Variants in ZNF385D observed in about 807,000 individuals in gnomAD.
ZNF385D encodes the protein zinc finger protein 385D.
Under a neutral mutation model 35.8 loss-of-function variants are expected in ZNF385D, and 15 were observed. The ratio of observed to expected loss-of-function variants is 0.42; its 90% CI spans 0.28 to 0.64. ZNF385D has a LOEUF of 0.64. ZNF385D is among the 30% of genes least tolerant of loss of function. The probability of loss-of-function intolerance (pLI) is 0.23; values close to 1 mark genes in which losing one functional copy is unlikely to be tolerated. For synonymous variants in ZNF385D, 212 were observed against 186.8 expected, an observed-to-expected ratio of 1.13 and a Z score of -1.10; for missense variants, 474 against 494.6, an observed-to-expected ratio of 0.96 and a Z score of 0.39.
intron 2 of ZNF385D, among the ~76,000 whole-genome samples, chr3:22,236,596 C>T (rs143257187): frequency 7.1e-4 from 108 of 152,196 alleles, no homozygotes; most frequent in African/African-American, 2.4e-3. Context: ...TTTTAAAGTG[C>T]CCAATTCAGA....
intron 3 of ZNF385D, among the ~76,000 whole-genome samples, chr3:22,152,493 T>G (rs1705304162): frequency 6.6e-6 from 1 of 152,156 alleles, no homozygotes; most frequent in Admixed American, 6.6e-5. Flanking sequence ...AAGGTCTGTG[T>G]TCCTTCTGAG....
chr3:21,517,364 A>G (rs1188325132), intron 3 of ZNF385D, among the ~76,000 whole-genome samples: 4 of 152,146 alleles, frequency 2.6e-5, no homozygotes, highest in Admixed American at 6.6e-5. Flanking sequence ...GACCAGGGCT[A>G]AGATGCCTGC....
chr3:22,049,608 A>C (rs1260499858), intron 3 of ZNF385D, among the ~76,000 whole-genome samples: 7 of 152,140 alleles, frequency 4.6e-5, no homozygotes, highest in Non-Finnish European at 1.0e-4. Context: ...TCTTAGAGGA[A>C]AAGCTTTCAA....
chr3:22,095,088 C>CTT (rs10663641), intron 3 of ZNF385D, among the ~76,000 whole-genome samples: 26,056 of 121,674 alleles, frequency 0.21, 3,481 homozygotes, highest in Non-Finnish European at 0.25. Context: ...TTCATTCTTT[C>CTT]TTTTTTTTTT....
rs80328662 is a variant in ZNF385D at position 21,581,374 on chromosome 3, C to T, written c.166-16690G>A. 5.8e-3 allele frequency among the ~76,000 whole-genome samples: 877 copies of T among 152,266 alleles called. 7 individuals carry two copies. The highest frequency in any genetic ancestry group is 9.9e-3 in the Non-Finnish European group (671 of 68,020). ...CTAGAGTCGGCAAAGCTAATACAGT[C>T]CTTCAAGGCCTCATAGCACCCTATA... On this transcript the variant is annotated intron_variant, in intron 2 of 7. Transcript: ENST00000281523.
chr3:22,058,472 G>C (rs1379588305), intron 3 of ZNF385D, among the ~76,000 whole-genome samples: 1 of 152,226 alleles, frequency 6.6e-6, no homozygotes, highest in East Asian at 1.9e-4. Context: ...CCTCTTTAGA[G>C]AACTGGATAA....
intron 3 of ZNF385D, among the ~76,000 whole-genome samples, chr3:22,165,757 G>C (rs1194930557): frequency 6.6e-6 from 1 of 152,064 alleles, no homozygotes; most frequent in African/African-American, 2.4e-5. Flanking sequence ...CAGCTTTATT[G>C]AAATTTGAAC....
chr3:22,050,291 G>C (rs1699270680), intron 3 of ZNF385D, among the ~76,000 whole-genome samples: 1 of 151,932 alleles, frequency 6.6e-6, no homozygotes, highest in Admixed American at 6.6e-5. Flanking sequence ...GAGCCCCAGA[G>C]GTTGACGCTC....
At chr3:22,184,568 G>C (rs560564441) in intron 2 of ZNF385D, among the ~76,000 whole-genome samples, 30 of 152,224 alleles carry the variant, frequency 2.0e-4, no homozygotes, top group East Asian at 5.8e-4. Context: ...GCTCATGCCT[G>C]TAATCCCAGC....
intron 3 of ZNF385D, among the ~76,000 whole-genome samples, chr3:21,804,120 G>A (rs2125691592): frequency 6.6e-6 from 1 of 152,282 alleles, no homozygotes; most frequent in Non-Finnish European, 1.5e-5. Flanking sequence ...AAATAAAAGT[G>A]TGTAAATTTC....
chr3:21,902,639 T>C (rs1256422323), intron 3 of ZNF385D, among the ~76,000 whole-genome samples: 2 of 152,180 alleles, frequency 1.3e-5, no homozygotes, highest in Non-Finnish European at 2.9e-5. Context: ...TTGAAAATTA[T>C]TTTTCTTAAG....
chr3:22,187,475 TATACACACACACAG>T (rs1369063535), intron 2 of ZNF385D, among the ~76,000 whole-genome samples: 5 of 152,040 alleles, frequency 3.3e-5, no homozygotes, highest in Admixed American at 2.6e-4. Context: ...CCTCTCACCC[TATACACACACACAG>T]ATACACACAC....
At chr3:22,241,991 C>A (rs971863829) in intron 2 of ZNF385D, among the ~76,000 whole-genome samples, 1 of 149,832 alleles carries the variant, frequency 6.7e-6, no homozygotes, top group Non-Finnish European at 1.5e-5. Context: ...AACCAAAGAC[C>A]GCATATTCTC....
intron 2 of ZNF385D, among the ~76,000 whole-genome samples, chr3:22,275,582 A>C (rs534430829): frequency 1.4e-4 from 22 of 152,276 alleles, no homozygotes; most frequent in African/African-American, 4.3e-4. Flanking sequence ...GTTAAAATCT[A>C]GGTTAATATT....
rs575440727 is a variant in ZNF385D, at chr3:22,039,411, T to C, written c.325+129406A>G. 4.6e-5 allele frequency among the ~76,000 whole-genome samples: 7 copies of C among 152,240 alleles called. No individual in the cohort carries two copies. In the South Asian group the frequency reaches 1.5e-3, roughly 32 times the overall value. Reference sequence around the variant, plus strand: ...CAGTGGCTTCTCAACTAGTACATGGTAAATTTAGAACTTAGCATGGCATCC... The same window carrying C: ...CAGTGGCTTCTCAACTAGTACATGGCAAATTTAGAACTTAGCATGGCATCC... On this transcript the variant is annotated intron_variant, in intron 3 of 5. Coordinates refer to the ZNF385D transcript ENST00000494108.
rs1257971694 is a variant in ZNF385D at position 22,202,593 on chromosome 3, AG to A, written c.107-33559del. ...AGCACCTTCATGAGAACCAAAAATC[AG>A]GTAAGTGATCACAGTACCTGGTTTT... On this transcript the variant is annotated intron_variant, in intron 2 of 5. Transcript: ENST00000494108. 2.0e-5 allele frequency among the ~76,000 whole-genome samples: 3 copies of A among 152,166 alleles called. No individual in the cohort carries two copies. The East Asian group carries it at 5.8e-4, about 29-fold the overall frequency.
chr3:21,990,765 G>A (rs2125394552), intron 3 of ZNF385D, among the ~76,000 whole-genome samples: 1 of 152,280 alleles, frequency 6.6e-6, no homozygotes, highest in Admixed American at 6.5e-5. Context: ...AACTGTATGA[G>A]CTGAAACACT....
At chr3:22,077,854 A>G (rs999262137) in intron 3 of ZNF385D, among the ~76,000 whole-genome samples, 8 of 151,666 alleles carry the variant, frequency 5.3e-5, no homozygotes, top group African/African-American at 1.7e-4. Context: ...CTATTTATTC[A>G]TTTTCCATGT....
At chr3:21,807,955 A>G (rs1165244414) in intron 3 of ZNF385D, among the ~76,000 whole-genome samples, 1 of 152,206 alleles carries the variant, frequency 6.6e-6, no homozygotes, top group Non-Finnish European at 1.5e-5. Flanking sequence ...CATTGTCTCA[A>G]TAATTCAGAT....
Sources: allele counts gnomAD v4.1 joint callset (sites outside exome capture counted in the v4.1 genomes callset), GRCh38; gene constraint gnomAD v4.1.1; transcripts MANE v1.5; gene names NCBI Gene and HGNC (gene_info 2026-07-23, HGNC 2026-07-21).